Variants in ZW10 observed in about 807,000 individuals in gnomAD.
ZW10 encodes centromere/kinetochore protein zw10 homolog.
Under a neutral mutation model 87.8 loss-of-function variants are expected in ZW10, and 53 were observed. That is an observed-to-expected ratio of 0.60 (90% confidence interval 0.48 to 0.76). The LOEUF (loss-of-function observed/expected upper bound fraction) is 0.76. Among genes scored for constraint, ZW10 ranks in the 30% least tolerant of loss-of-function variants. ZW10 has a pLI of 0.00. For synonymous variants in ZW10, 312 were observed against 329.2 expected, an observed-to-expected ratio of 0.95 and a Z score of 0.57; for missense variants, 837 against 923.0, an observed-to-expected ratio of 0.91 and a Z score of 1.21.
At chr11:113,748,559 G>T in intron 7 of ZW10, 139 bp from the exon 8 acceptor site, 1 of 647,372 alleles carries the variant, frequency 1.5e-6, no homozygotes, top group Non-Finnish European at 2.5e-6. Flanking sequence ...TCTCAACTGC[G>T]TGGGACAAAT....
In ZW10 at chr11:113,739,303, G is replaced by C; in HGVS notation, c.1663C>G (p.Leu555Val). 1 of 1,613,916 alleles carries C rather than the reference G, an allele frequency of 6.2e-7. No individual in the cohort carries two copies. Among genetic ancestry groups the C allele is most frequent in the East Asian group, 2.2e-5 (1 of 44,860 alleles). Residue 555 changes from leucine to valine, a missense_variant, in exon 12 of 16, where the codon CTC (leucine) becomes GTC (valine). Coordinates refer to ENST00000200135, the MANE Select transcript of ZW10 (RefSeq NM_004724.4). ...AGACGCAATCTGAACTGATGCCCGA[G>C]GGTCAGCAAGTGGTGAGCAATGTAC... is the stretch of plus-strand genomic sequence containing the variant. ...CMYIAHHLLTLGHQFRLRLAP... is the reference protein window; with the variant it reads ...CMYIAHHLLTVGHQFRLRLAP...
At chr11:113,751,200 A>C (rs192179973) in intron 7 of ZW10, 92 of 267,414 alleles carry the variant, frequency 3.4e-4, no homozygotes, top group African/African-American at 2.0e-3. Context: ...TCCAGATCAG[A>C]CCATGCTGGC....
intron 7 of ZW10, among the ~76,000 whole-genome samples, chr11:113,756,283 C>A (rs1162644661): frequency 6.6e-6 from 1 of 152,040 alleles, no homozygotes; most frequent in Non-Finnish European, 1.5e-5. Context: ...CCTGCCAATA[C>A]CAGAAGAGCA....
At position 113,733,602 on chromosome 11, in the gene ZW10, C is replaced by T; in HGVS notation, c.*92G>A. On this transcript the variant is annotated 3_prime_UTR_variant, in exon 16 of 16. Transcript: ENST00000200135. The stretch of plus-strand genomic sequence containing the variant: ...TCCAAGATGTACTGGTTCACCAAAA[C>T]CAATGGGCGATTCAAAGAAGTCTTT... 1 of 1,576,284 alleles carries T rather than the reference C, an allele frequency of 6.3e-7. No homozygotes were observed. Among genetic ancestry groups the T allele is most frequent in the Non-Finnish European group, 8.7e-7 (1 of 1,155,326 alleles).
In ZW10 at chr11:113,738,276, T is replaced by A; in HGVS notation, c.1872A>T (p.Lys624Asn). The A allele has an allele frequency of 6.2e-7, 1 of 1,610,970 alleles. No individual in the cohort carries two copies. The highest frequency in any genetic ancestry group is 1.7e-5 in the Admixed American group (1 of 59,512). The change falls in exon 13 of 16, where the codon AAA becomes AAT. Residue 624 changes from lysine (K) to asparagine (N), a missense_variant. Coordinates refer to ENST00000200135, the MANE Select transcript of ZW10 (RefSeq NM_004724.4). ...AAGAGCCTCCTACCTGCCGGACTGCTTTACTTGCTGCAGAATAATTCTCTT... is the reference window on the plus strand; with the variant it reads ...AAGAGCCTCCTACCTGCCGGACTGCATTACTTGCTGCAGAATAATTCTCTT... ...DDEENYSAAS[K>N]AVRQVLHQLK...
rs748369949 is a variant in ZW10, at chr11:113,739,346, A to C, written c.1620T>G (p.Ile540Met). 12 of 1,604,804 alleles carry C rather than the reference A, an allele frequency of 7.5e-6. 1 individual carries two copies. The East Asian group carries it at 2.7e-4, about 36-fold the overall frequency. Reference sequence around the variant, plus strand: ...CAATGTACATACAGTTGTTGTGATGAATAGCAGCCAACTGGGGAAGTTTTT... The same window carrying C: ...CAATGTACATACAGTTGTTGTGATGCATAGCAGCCAACTGGGGAAGTTTTT... ...NLQKLPQLAA[I>M]HHNNCMYIAH... The change falls in exon 12 of 16, where the codon ATT becomes ATG. Residue 540 changes from isoleucine to methionine, a missense_variant. Ile to Met is a conservative substitution (Grantham distance 10, BLOSUM62 1). Coordinates refer to ENST00000200135, the MANE Select transcript of ZW10 (RefSeq NM_004724.4).
intron 1 of ZW10, among the ~76,000 whole-genome samples, chr11:113,772,590 G>T (rs1953977688): frequency 6.6e-6 from 1 of 152,108 alleles, no homozygotes; most frequent in South Asian, 2.1e-4. Context: ...CGTGCTTCCA[G>T]TTTTTGTATC....
intron 8 of ZW10, among the ~76,000 whole-genome samples, chr11:113,748,027 T>G (rs1283010456): frequency 6.6e-6 from 1 of 152,186 alleles, no homozygotes; most frequent in Non-Finnish European, 1.5e-5. Context: ...ATAGCTGATA[T>G]AAGTATAAAT....
In ZW10 at chr11:113,748,289, T is replaced by C. The variant is rs200582784; in HGVS notation, c.1057A>G (p.Thr353Ala). 1 of 1,613,030 alleles carries C rather than the reference T, an allele frequency of 6.2e-7. No individual in the cohort carries two copies. Among genetic ancestry groups the C allele is most frequent in the Non-Finnish European group, 8.5e-7 (1 of 1,179,676 alleles). Residue 353 changes from threonine to alanine, a missense_variant, in exon 8 of 16, where the codon ACA (threonine) becomes GCA (alanine). By Grantham distance (58) the Thr-to-Ala change is moderately conservative. Transcript: ENST00000200135. Reference sequence around the variant, plus strand: ...TATTGCTGTAATTTGCTGCTATTTGTTGGAATCGAATAAACCAAACAGTTT... The same window carrying C: ...TATTGCTGTAATTTGCTGCTATTTGCTGGAATCGAATAAACCAAACAGTTT... ...IKNCLVYSIPTNSSKLQQYEE... is the reference protein window; with the variant it reads ...IKNCLVYSIPANSSKLQQYEE...
At chr11:113,742,733 C>A (rs1290920556) in intron 10 of ZW10, among the ~76,000 whole-genome samples, 2 of 152,178 alleles carry the variant, frequency 1.3e-5, no homozygotes, top group African/African-American at 4.8e-5. Context: ...GTCCTATATT[C>A]ATTTTGCCAA....
chr11:113,758,852 T>C (rs542274945), intron 5 of ZW10, 146 bp from the exon 6 acceptor site: 3 of 776,582 alleles, frequency 3.9e-6, no homozygotes, highest in Admixed American at 2.8e-5. Flanking sequence ...ATGACATACA[T>C]GTCCTTGGCA....
At chr11:113,765,411 T>C (rs1344964026) in intron 2 of ZW10, among the ~76,000 whole-genome samples, 6 of 152,274 alleles carry the variant, frequency 3.9e-5, no homozygotes, top group African/African-American at 1.2e-4. Flanking sequence ...ATCCTACCAA[T>C]GGAATGTAAA....
At chr11:113,766,169 G>A (rs1376971931) in intron 2 of ZW10, among the ~76,000 whole-genome samples, 2 of 151,810 alleles carry the variant, frequency 1.3e-5, no homozygotes, top group Admixed American at 1.3e-4. Context: ...CCAGAAGTTC[G>A]AGACCAGCCT....
chr11:113,746,700 T>C (rs1483793007), intron 9 of ZW10, among the ~76,000 whole-genome samples: 2 of 152,170 alleles, frequency 1.3e-5, no homozygotes, highest in Non-Finnish European at 2.9e-5. Context: ...GCAAATCATG[T>C]GATCTGCGGT....
chr11:113,763,884 T>C (rs1004191757), intron 2 of ZW10, among the ~76,000 whole-genome samples: 25 of 152,358 alleles, frequency 1.6e-4, no homozygotes, highest in African/African-American at 5.3e-4. Context: ...TTTGTCAATT[T>C]TGGCTTTTAT....
chr11:113,761,158 A>C (rs991065550), intron 2 of ZW10, among the ~76,000 whole-genome samples: 2 of 152,146 alleles, frequency 1.3e-5, no homozygotes, highest in Non-Finnish European at 2.9e-5. Flanking sequence ...TCCTCATGTC[A>C]CCATCTATTC....
At chr11:113,737,550 T>G in intron 14 of ZW10, 22 bp downstream of exon 14, 2 of 1,566,668 alleles carry the variant, frequency 1.3e-6, no homozygotes, top group Non-Finnish European at 8.7e-7. Flanking sequence ...TCAAGGCTAG[T>G]GTAGCATCTA....
At chr11:113,744,173 G>A (rs1410532784) in intron 9 of ZW10, 133 bp from the exon 10 acceptor site, 2 of 673,990 alleles carry the variant, frequency 3.0e-6, no homozygotes, top group African/African-American at 1.8e-5. Flanking sequence ...AGATCACGAG[G>A]TCAGGAGATC....
At chr11:113,746,291 T>C (rs1953675361) in intron 9 of ZW10, among the ~76,000 whole-genome samples, 1 of 151,674 alleles carries the variant, frequency 6.6e-6, no homozygotes, top group African/African-American at 2.4e-5. Context: ...AAGAGGAAAA[T>C]GAGGTTCAAC....
Sources: gnomAD v4.1 joint callset for allele counts (sites outside exome capture counted in the v4.1 genomes callset) on GRCh38, gnomAD v4.1.1 for gene constraint, MANE v1.5 for transcripts, NCBI Gene and HGNC (gene_info 2026-07-23, HGNC 2026-07-21) for gene names.